Variants in PIKFYVE observed in about 807,000 individuals in gnomAD.
PIKFYVE encodes the protein phosphoinositide kinase, FYVE-type zinc finger containing.
A neutral mutation model predicts 257.9 loss-of-function variants in PIKFYVE; 122 were observed. The ratio of observed to expected loss-of-function variants is 0.47; its 90% CI spans 0.41 to 0.55. The LOEUF (loss-of-function observed/expected upper bound fraction) is 0.55. Ranked by LOEUF, PIKFYVE falls within the 20% of genes least tolerant of loss-of-function variation. The pLI is 0.00. For synonymous variants in PIKFYVE, 892 were observed against 868.9 expected (o/e 1.03, Z -0.47); for missense variants, 2,160 against 2,536.6 (o/e 0.85, Z 3.19).
chr2:208,305,083 C>T (rs751426527), intron 12 of PIKFYVE, 70 bp downstream of exon 12: 15 of 1,601,832 alleles, frequency 9.4e-6, no homozygotes, highest in Non-Finnish European at 1.3e-5. Flanking sequence ...TCATGCCAGC[C>T]TGTCCTTCTG....
At position 208,330,532 on chromosome 2, in the gene PIKFYVE, T is replaced by C; in HGVS notation, c.3801T>C (p.Tyr1267=). ...FLERYCFRPS[Y]QCPSMFCDTP... Reference sequence around the variant, plus strand: ...CTTTTGTTTGTCAAAGGCCTTCTTATCAGTGTCCAAGCATGTTCTGTGATA... The same window carrying C: ...CTTTTGTTTGTCAAAGGCCTTCTTACCAGTGTCCAAGCATGTTCTGTGATA... Residue 1267 remains tyrosine, a synonymous_variant, in exon 23 of 42, where the codon TAT becomes TAC. Coordinates refer to ENST00000264380, the MANE Select transcript of PIKFYVE (RefSeq NM_015040.4). The C allele has an allele frequency of 6.2e-7, 1 of 1,614,180 alleles. No individual in the cohort carries two copies. The highest frequency in any genetic ancestry group is 8.5e-7 in the Non-Finnish European group (1 of 1,180,014).
At chr2:208,288,687 A>C (rs767122851) in intron 6 of PIKFYVE, 42 bp from the exon 7 acceptor site, 9 of 1,611,450 alleles carry the variant, frequency 5.6e-6, no homozygotes, top group Non-Finnish European at 7.6e-6. Context: ...ATTCCCTTTT[A>C]CTGTCCTGAA....
intron 8 of PIKFYVE, 137 bp downstream of exon 8, chr2:208,298,916 C>T (rs1693330993): frequency 7.3e-6 from 8 of 1,100,418 alleles, no homozygotes; most frequent in East Asian, 2.6e-5. Context: ...GATCTTGGCT[C>T]CCTGCAACCT....
At chr2:208,352,153 T>G (rs1699830877) in intron 38 of PIKFYVE, among the ~76,000 whole-genome samples, 1 of 152,206 alleles carries the variant, frequency 6.6e-6, no homozygotes, top group Non-Finnish European at 1.5e-5. Flanking sequence ...TGAAATTAGG[T>G]GCACATTCAG....
In PIKFYVE at chr2:208,352,694, T is replaced by C; in HGVS notation, c.5756T>C (p.Ile1919Thr). 6.2e-7 allele frequency: 1 copy of C among 1,613,816 alleles called. No individual in the cohort carries two copies. Among genetic ancestry groups the C allele is most frequent in the Non-Finnish European group, 8.5e-7 (1 of 1,179,810 alleles). The change falls in exon 39 of 42, where the codon ATT becomes ACT. Residue 1919 changes from isoleucine (I) to threonine (T), a missense_variant. Ile to Thr is a moderately conservative substitution (Grantham distance 89). Transcript: ENST00000264380. ...GCCAAAATTCTTGGAGTTTACAGAATTGGTTATAAGAACTCTCAGAACAAC... is the reference window on the plus strand; with the variant it reads ...GCCAAAATTCTTGGAGTTTACAGAACTGGTTATAAGAACTCTCAGAACAAC... ...ALAKILGVYR[I>T]GYKNSQNNTE... is the part of the protein sequence containing the mutation.
At chr2:208,269,881 ATGC>A in intron 1 of PIKFYVE, 17 of 299,794 alleles carry the variant, frequency 5.7e-5, no homozygotes, top group Admixed American at 2.6e-4. Flanking sequence ...GGAGGGGCCC[ATGC>A]TGCTGCTGGC....
At chr2:208,289,574 C>T (rs764620673) in intron 7 of PIKFYVE, among the ~76,000 whole-genome samples, 11 of 152,168 alleles carry the variant, frequency 7.2e-5, no homozygotes, top group Non-Finnish European at 1.0e-4. Context: ...GGACTACAGG[C>T]GCCCATCACC....
chr2:208,355,533 A>G lies in PIKFYVE; in HGVS notation c.*228A>G. On this transcript the variant is annotated 3_prime_UTR_variant, in exon 42 of 42. Transcript: ENST00000264380. ...TCTGTAGGTTGGGAAGTGGCATGAA[A>G]ATTTTCTTAAGCTAAAATACAGACA... The G allele has an allele frequency of 4.3e-6, 2 of 466,634 alleles. No individual in the cohort carries two copies. Among genetic ancestry groups the G allele is most frequent in the Non-Finnish European group, 3.9e-6 (1 of 258,122 alleles). 28.9% of individuals were successfully genotyped at this position (466,634 alleles called of 1,614,324 possible). A position where few individuals can be genotyped will look rare whatever the true frequency, so the allele number is the denominator to read the frequency against.
rs780345230 is a variant in PIKFYVE at position 208,329,876 on chromosome 2, C to A, written c.3754C>A (p.Leu1252Ile). The A allele has an allele frequency of 6.2e-6, 10 of 1,610,658 alleles. No individual in the cohort carries two copies. The highest frequency in any genetic ancestry group is 8.5e-6 in the Non-Finnish European group (10 of 1,177,722). The change falls in exon 22 of 42, where the codon CTT becomes ATT. Residue 1252 changes from leucine to isoleucine, a missense_variant. Around this residue, in one of 12 missense-constraint regions of PIKFYVE, gnomAD observed 55 missense variants for 103.0 expected, o/e 0.53. Coordinates refer to ENST00000264380, the MANE Select transcript of PIKFYVE (RefSeq NM_015040.4). ...AATGGAATTTTATGGAAAGAATGAT[C>A]TTACATTAGGAATATTTTTAGAGAG... is the stretch of plus-strand genomic sequence containing the variant. ...VTMEFYGKND[L>I]TLGIFLERYC... is the part of the protein sequence containing the mutation.
At chr2:208,309,218 C>T (rs888609470) in intron 12 of PIKFYVE, among the ~76,000 whole-genome samples, 10 of 151,710 alleles carry the variant, frequency 6.6e-5, no homozygotes, top group African/African-American at 1.9e-4. Flanking sequence ...GAATGGCTAG[C>T]GTGTTGGATA....
At chr2:208,329,754 T>C (rs1559138912) in intron 21 of PIKFYVE, 88 bp from the exon 22 acceptor site, 2 of 1,557,984 alleles carry the variant, frequency 1.3e-6, no homozygotes, top group Non-Finnish European at 1.7e-6. Context: ...GTACCATACA[T>C]TTAATAGGTA....
At chr2:208,336,246 G>T in intron 27 of PIKFYVE, 46 bp downstream of exon 27, 3 of 1,608,134 alleles carry the variant, frequency 1.9e-6, no homozygotes, top group Non-Finnish European at 2.6e-6. Context: ...TGCCACATTT[G>T]TTCTAATGTG....
At chr2:208,303,512 C>G (rs1295077750) in intron 10 of PIKFYVE, among the ~76,000 whole-genome samples, 1 of 152,066 alleles carries the variant, frequency 6.6e-6, no homozygotes, top group Non-Finnish European at 1.5e-5. Context: ...TGAAGAAAAT[C>G]ATAAGGAAGA....
intron 25 of PIKFYVE, 142 bp from the exon 26 acceptor site, chr2:208,335,651 A>G: frequency 1.2e-6 from 1 of 807,508 alleles, no homozygotes; most frequent in Middle Eastern, 3.6e-4. Context: ...GGTCTTATTT[A>G]CTCTGCAAAA....
rs766694673 is a variant in PIKFYVE, at chr2:208,347,944, A to G, written c.5295A>G (p.Leu1765=). The change falls in exon 35 of 42, where the codon TTA becomes TTG. Residue 1765 remains leucine (L), a synonymous_variant. Coordinates refer to ENST00000264380, the MANE Select transcript of PIKFYVE (RefSeq NM_015040.4). ...TCTCTTCCCAGAAGAGAGAGACCTT[A>G]CGTGGAGCAGATAGTGCTTACTACC... The part of the protein sequence containing the change: ...PDLSSQKRET[L]RGADSAYYQV... The G allele has an allele frequency of 1.2e-6, 2 of 1,613,896 alleles. No homozygotes were observed. The highest frequency in any genetic ancestry group is 1.7e-6 in the Non-Finnish European group (2 of 1,179,884).
Position 208,351,457 on chromosome 2 carries a change from T to C in PIKFYVE, c.5715+2T>C. ...ATTACAAATGCTGTTCAACAAAAGG[T>C]AGAAATCTAAAACCATGGTCTGTAA... On this transcript the variant is annotated splice_donor_variant, in intron 38 of 41. Coordinates refer to ENST00000264380, the MANE Select transcript of PIKFYVE (RefSeq NM_015040.4). LOFTEE classifies it high-confidence loss of function. 1 of 1,599,914 alleles carries C rather than the reference T, an allele frequency of 6.3e-7. No homozygotes were observed. Among genetic ancestry groups the C allele is most frequent in the Non-Finnish European group, 8.6e-7 (1 of 1,167,028 alleles).
intron 36 of PIKFYVE, 143 bp downstream of exon 36, chr2:208,350,226 T>C (rs1156624202): frequency 8.3e-7 from 1 of 1,199,236 alleles, no homozygotes; most frequent in African/African-American, 1.6e-5. Context: ...ACATGAGGTA[T>C]ATTTAATCAA....
rs955271321 is a variant in PIKFYVE at position 208,330,760 on chromosome 2, T to C, written c.3963+66T>C. ...TCTTTATTTGTATGTTTTTTTTTTTTCCTGAGGAGGTTTCCTATATGGTAC... is the reference window on the plus strand; with the variant it reads ...TCTTTATTTGTATGTTTTTTTTTTTCCCTGAGGAGGTTTCCTATATGGTAC... On this transcript the variant is annotated intron_variant, in intron 23 of 41. Coordinates refer to ENST00000264380, the MANE Select transcript of PIKFYVE (RefSeq NM_015040.4). 117 of 1,357,124 alleles carry C rather than the reference T, an allele frequency of 8.6e-5. No homozygotes were observed. The East Asian group carries it at 2.7e-3, about 31-fold the overall frequency. The allele number at this position is 1,357,124 out of a possible 1,614,324, so 84.1% of individuals were successfully genotyped here.
At position 208,335,825 on chromosome 2, in the gene PIKFYVE, G is replaced by T. The variant is rs1698081636; in HGVS notation, c.4289G>T (p.Arg1430Ile). ...CAGGTATATGTTGCCATTGATGAAA[G>T]ACTTGCATCTTTGAAAACTGATACA... ...VSQVYVAIDE[R>I]LASLKTDTFS... Residue 1430 changes from arginine to isoleucine, a missense_variant, in exon 26 of 42, where the codon AGA (arginine) becomes ATA (isoleucine). Transcript: ENST00000264380. 6.2e-7 allele frequency: 1 copy of T among 1,612,960 alleles called. No individual in the cohort carries two copies. Among genetic ancestry groups the T allele is most frequent in the African/African-American group, 1.3e-5 (1 of 74,862 alleles).
Sources: gnomAD v4.1 joint callset for allele counts (sites outside exome capture counted in the v4.1 genomes callset) on GRCh38, gnomAD v4.1.1 for gene constraint, gnomAD v4.1.1 regional missense constraint, MANE v1.5 for transcripts, NCBI Gene and HGNC (gene_info 2026-07-23, HGNC 2026-07-21) for gene names.